The following MPP7 variants were observed in gnomAD, a reference collection of about 807,000 sequenced individuals.
The protein encoded by MPP7 is MAGUK p55 scaffold protein 7.
MPP7 carries 60 observed loss-of-function variants against 76.5 expected under a neutral mutation model. The observed-to-expected ratio is 0.78, with a 90% CI of 0.64 to 0.97. MPP7 has a LOEUF of 0.97. Ranked by LOEUF, MPP7 falls within the 50% of genes least tolerant of loss-of-function variation. The probability of loss-of-function intolerance (pLI) is 0.00; values close to 1 mark genes in which losing one functional copy is unlikely to be tolerated. For synonymous variants in MPP7, 237 were observed against 244.5 expected, an observed-to-expected ratio of 0.97 and a Z score of 0.29; for missense variants, 641 against 694.0, an observed-to-expected ratio of 0.92 and a Z score of 0.86.
chr10:28,207,176 G>A lies in MPP7; in HGVS notation c.38-4905C>T, dbSNP rs1334581914. 2.6e-5 allele frequency among the ~76,000 whole-genome samples: 4 copies of A among 151,828 alleles called. No individual in the cohort carries two copies. In the South Asian group the frequency reaches 6.2e-4, roughly 24 times the overall value. On this transcript the variant is annotated intron_variant, in intron 2 of 16. Transcript: ENST00000683449. ...GAAAAAAAATCTCACCTTATATTTG[G>A]GTACATGGAATAGACACTGTCAAAG... is the stretch of plus-strand genomic sequence containing the variant.
intron 11 of MPP7, among the ~76,000 whole-genome samples, chr10:28,113,482 T>C (rs1208752726): frequency 3.9e-5 from 6 of 152,178 alleles, no homozygotes; most frequent in Non-Finnish European, 7.3e-5. Flanking sequence ...AGAGTGGCTA[T>C]CTTGGTAGGA....
chr10:28,108,857 C>T (rs1054903937), intron 11 of MPP7, among the ~76,000 whole-genome samples: 26 of 152,084 alleles, frequency 1.7e-4, no homozygotes, highest in African/African-American at 6.3e-4. Flanking sequence ...TATAACAACC[C>T]TCGGCATCTC....
At position 28,190,341 on chromosome 10, in the gene MPP7, T is replaced by C. The variant is rs59051253; in HGVS notation, c.156+11812A>G. On this transcript the variant is annotated intron_variant, in intron 3 of 16. Coordinates refer to ENST00000683449, the MANE Select transcript of MPP7 (RefSeq NM_001318170.2). ...ATCTACCAACCAAATCTAACTGACA[T>C]TTATGGAATACTTTATCCAATTATG... Among the ~76,000 whole-genome samples the C allele has an allele frequency of 5.2e-3, 789 of 152,254 alleles. 7 individuals carry two copies. The highest frequency in any genetic ancestry group is 0.017 in the African/African-American group (712 of 41,544).
At chr10:28,168,667 T>C (rs2985512) in intron 3 of MPP7, among the ~76,000 whole-genome samples, 138,157 of 151,918 alleles carry the variant, frequency 0.91, 62,881 homozygotes, top group South Asian at 0.95. Flanking sequence ...TACAGGTGCC[T>C]GCCACCATGC....
intron 2 of MPP7, among the ~76,000 whole-genome samples, chr10:28,213,219 G>A (rs1838200276): frequency 1.3e-5 from 2 of 152,068 alleles, no homozygotes; most frequent in African/African-American, 4.8e-5. Context: ...GTTCAACAGA[G>A]AATTGATCCT....
intron 3 of MPP7, among the ~76,000 whole-genome samples, chr10:28,192,552 T>C (rs1423988159): frequency 6.6e-6 from 1 of 152,166 alleles, no homozygotes. Flanking sequence ...CATTTAGGTA[T>C]AAATCTAACA....
chr10:28,147,382 A>G lies in MPP7; in HGVS notation c.315+101T>C, dbSNP rs576296329. On this transcript the variant is annotated intron_variant, in intron 5 of 16. Coordinates refer to ENST00000683449, the MANE Select transcript of MPP7 (RefSeq NM_001318170.2). ...ATTAAAATACTGTGCCCTATTCAAA[A>G]TACATTTACTTGAGAATTGATGCTC... 8.8e-5 allele frequency: 78 copies of G among 881,456 alleles called. No individual in the cohort carries two copies. In the African/African-American group the frequency reaches 1.2e-3, roughly 13 times the overall value. 54.6% of individuals were successfully genotyped at this position (881,456 alleles called of 1,614,324 possible). A position where few individuals can be genotyped will look rare whatever the true frequency, so the allele number is the denominator to read the frequency against.
At chr10:28,182,230 A>G (rs1346092404) in intron 3 of MPP7, among the ~76,000 whole-genome samples, 2 of 152,178 alleles carry the variant, frequency 1.3e-5, no homozygotes, top group African/African-American at 2.4e-5. Context: ...AATGACTCAA[A>G]CATATGTTCA....
At chr10:28,081,964 C>A (rs1852784831) in intron 12 of MPP7, among the ~76,000 whole-genome samples, 1 of 152,086 alleles carries the variant, frequency 6.6e-6, no homozygotes, top group South Asian at 2.1e-4. Flanking sequence ...GTTGGCCAGG[C>A]TGGTCTTGAA....
At chr10:28,089,523 A>T in intron 12 of MPP7, 148 bp downstream of exon 12, 2 of 713,804 alleles carry the variant, frequency 2.8e-6, no homozygotes, top group South Asian at 4.8e-5. Context: ...CGTACAAAAA[A>T]CTAAAGATTT....
At chr10:28,080,752 C>T (rs1409880255) in intron 12 of MPP7, among the ~76,000 whole-genome samples, 1 of 152,172 alleles carries the variant, frequency 6.6e-6, no homozygotes, top group Admixed American at 6.5e-5. Flanking sequence ...CAGTGAAGAT[C>T]ACATTTACCT....
At chr10:28,194,236 G>C (rs550646633) in intron 3 of MPP7, among the ~76,000 whole-genome samples, 1 of 151,916 alleles carries the variant, frequency 6.6e-6, no homozygotes, top group Admixed American at 6.6e-5. Flanking sequence ...GAATGGTCTC[G>C]AACTCCAGAC....
At position 28,195,538 on chromosome 10, in the gene MPP7, A is replaced by G. The variant is rs572623462; in HGVS notation, c.156+6615T>C. On this transcript the variant is annotated intron_variant, in intron 3 of 16. Transcript: ENST00000683449. ...TGAACGAAGTGTGATATAGCCATAC[A>G]ATGTTATTCAGTCATAAAAAGGAAT... is the stretch of plus-strand genomic sequence containing the variant. Among the ~76,000 whole-genome samples the G allele has an allele frequency of 2.4e-4, 37 of 152,378 alleles. No individual in the cohort carries two copies. The South Asian group carries it at 7.2e-3, about 30-fold the overall frequency.
intron 2 of MPP7, among the ~76,000 whole-genome samples, chr10:28,311,958 A>T (rs1293526608): frequency 1.3e-5 from 2 of 152,152 alleles, no homozygotes; most frequent in African/African-American, 4.8e-5. Context: ...TAAAAAAAAG[A>T]TCAATTTTTT....
In MPP7 at chr10:28,133,732, C is replaced by T. The variant is rs188442944; in HGVS notation, c.316-2041G>A. Reference sequence around the variant, plus strand: ...ATTAACCAAACTCCAGTGGCCCCCACTTATGCTCATTCCTAGTCATCATGC... The same window carrying T: ...ATTAACCAAACTCCAGTGGCCCCCATTTATGCTCATTCCTAGTCATCATGC... On this transcript the variant is annotated intron_variant, in intron 5 of 16. Transcript: ENST00000683449. 3.3e-5 allele frequency among the ~76,000 whole-genome samples: 5 copies of T among 152,276 alleles called. No individual in the cohort carries two copies. The East Asian group carries it at 9.6e-4, about 29-fold the overall frequency.
chr10:28,105,942 C>T (rs924161105), intron 11 of MPP7, among the ~76,000 whole-genome samples: 1 of 152,130 alleles, frequency 6.6e-6, no homozygotes, highest in African/African-American at 2.4e-5. Flanking sequence ...GGATCTTTGT[C>T]CCAACACAGT....
intron 1 of MPP7, among the ~76,000 whole-genome samples, chr10:28,287,418 T>C (rs1840814107): frequency 6.6e-6 from 1 of 152,198 alleles, no homozygotes; most frequent in Non-Finnish European, 1.5e-5. Context: ...ATTGTGGAGA[T>C]GGTAAATGTA....
intron 6 of MPP7, 52 bp downstream of exon 6, chr10:28,131,508 T>C (rs374594780): frequency 4.1e-6 from 6 of 1,474,890 alleles, no homozygotes; most frequent in Non-Finnish European, 5.5e-6. Flanking sequence ...GTATGCACCA[T>C]CAGATTTGGC....
intron 3 of MPP7, among the ~76,000 whole-genome samples, chr10:28,175,984 T>A (rs1836846215): frequency 6.6e-6 from 1 of 151,958 alleles, no homozygotes; most frequent in African/African-American, 2.4e-5. Context: ...CTACCAAAAA[T>A]TAGGAAGAGA....
Sources: gnomAD v4.1 joint callset for allele counts (sites outside exome capture counted in the v4.1 genomes callset) on GRCh38, gnomAD v4.1.1 for gene constraint, MANE v1.5 for transcripts, NCBI Gene and HGNC (gene_info 2026-07-23, HGNC 2026-07-21) for gene names.